LRRC7: variants seen among roughly 807,000 people sequenced by gnomAD.
LRRC7 encodes leucine rich repeat containing 7.
LRRC7 carries 23 observed loss-of-function variants against 175.7 expected under a neutral mutation model. The observed-to-expected ratio is 0.13, with a 90% CI of 0.09 to 0.19. The LOEUF is 0.19. Among genes scored for constraint, LRRC7 ranks in the 10% least tolerant of loss-of-function variants. The pLI, the probability that LRRC7 is intolerant of heterozygous loss-of-function variation, is 1.00. For synonymous variants in LRRC7, 685 were observed against 680.9 expected, an observed-to-expected ratio of 1.01 and a Z score of -0.09; for missense variants, 1,354 against 1,904.7, an observed-to-expected ratio of 0.71 and a Z score of 5.38.
intron 1 of LRRC7, among the ~76,000 whole-genome samples, chr1:69,677,115 T>C (rs1659863837): frequency 7.2e-6 from 1 of 139,120 alleles, no homozygotes; most frequent in South Asian, 2.5e-4. Flanking sequence ...ATTTCATCCT[T>C]TTGTGGCTGA....
At chr1:70,011,773 T>A (rs1656532069) in intron 11 of LRRC7, 24 bp from the exon 12 acceptor site, 1 of 1,501,476 alleles carries the variant, frequency 6.7e-7, no homozygotes, top group Admixed American at 1.8e-5. Flanking sequence ...TTAAAATGTC[T>A]AACTAATGTA....
At chr1:69,726,908 G>A (rs1200472547) in intron 2 of LRRC7, among the ~76,000 whole-genome samples, 1 of 152,162 alleles carries the variant, frequency 6.6e-6, no homozygotes, top group Non-Finnish European at 1.5e-5. Flanking sequence ...AACCATGTAG[G>A]TTAAGCTACT....
chr1:69,824,544 A>C (rs1343570224), intron 4 of LRRC7, among the ~76,000 whole-genome samples: 2 of 152,098 alleles, frequency 1.3e-5, no homozygotes, highest in Admixed American at 6.6e-5. Context: ...ATAGAGAGAA[A>C]TGGCGTGAGA....
intron 3 of LRRC7, among the ~76,000 whole-genome samples, chr1:69,782,494 G>A (rs1293029518): frequency 6.6e-6 from 1 of 152,210 alleles, no homozygotes; most frequent in Non-Finnish European, 1.5e-5. Context: ...AAGAGCTCCA[G>A]CTGGAGACTG....
intron 7 of LRRC7, among the ~76,000 whole-genome samples, chr1:69,864,135 A>T (rs1202817373): frequency 6.6e-6 from 1 of 152,216 alleles, no homozygotes; most frequent in Non-Finnish European, 1.5e-5. Context: ...TGGCTCTGCC[A>T]TCCCTCTTAT....
At chr1:69,656,496 G>C (rs1656624297) in intron 1 of LRRC7, among the ~76,000 whole-genome samples, 1 of 151,938 alleles carries the variant, frequency 6.6e-6, no homozygotes, top group Admixed American at 6.6e-5. Context: ...AAACAATGTA[G>C]TACTTGGTTC....
chr1:70,046,479 A>G (rs1187275129), intron 22 of LRRC7, among the ~76,000 whole-genome samples: 3 of 152,154 alleles, frequency 2.0e-5, no homozygotes, highest in Non-Finnish European at 4.4e-5. Context: ...CCACCTCAAA[A>G]TAAATTATCG....
At chr1:69,692,564 G>T (rs563325725) in intron 2 of LRRC7, among the ~76,000 whole-genome samples, 65 of 152,268 alleles carry the variant, frequency 4.3e-4, no homozygotes, top group Admixed American at 2.2e-3. Context: ...GGATTTAACT[G>T]CAAGACCATT....
In LRRC7 at chr1:70,122,665, A is replaced by AATT; in HGVS notation, c.*779_*780insTTA. On this transcript the variant is annotated 3_prime_UTR_variant, in exon 27 of 27. Coordinates refer to ENST00000651989, the MANE Select transcript of LRRC7 (RefSeq NM_001370785.2). ...ACATGCAGAGTTTAGAAACAGACTA[A>AATT]AGGTCATTGTAGTTAAGTCTTTTTC... The AATT allele has an allele frequency of 6.6e-6, 1 of 152,086 alleles. No homozygotes were observed. Among genetic ancestry groups the AATT allele is most frequent in the Non-Finnish European group, 1.5e-5 (1 of 67,932 alleles). The allele number at this position is 152,086 out of a possible 1,614,324, so 9.4% of individuals were successfully genotyped here. A position where few individuals can be genotyped will look rare whatever the true frequency, so the allele number is the denominator to read the frequency against.
intron 2 of LRRC7, among the ~76,000 whole-genome samples, chr1:69,680,036 T>G (rs567454750): frequency 6.6e-6 from 1 of 152,094 alleles, no homozygotes; most frequent in Non-Finnish European, 1.5e-5. Context: ...CCTAAAATAT[T>G]TACCTGGGTC....
At chr1:70,003,249 A>G (rs563394910) in intron 11 of LRRC7, among the ~76,000 whole-genome samples, 1 of 152,158 alleles carries the variant, frequency 6.6e-6, no homozygotes, top group South Asian at 2.1e-4. Context: ...ACTTTATCCA[A>G]CTCTAAATTA....
At chr1:69,988,992 A>G (rs1467916701) in intron 10 of LRRC7, among the ~76,000 whole-genome samples, 2 of 152,214 alleles carry the variant, frequency 1.3e-5, no homozygotes, top group Non-Finnish European at 2.9e-5. Flanking sequence ...AAGGGAAACA[A>G]AAGTTATCAA....
At chr1:69,764,642 C>T (rs553619917) in intron 3 of LRRC7, among the ~76,000 whole-genome samples, 1 of 151,934 alleles carries the variant, frequency 6.6e-6, no homozygotes, top group South Asian at 2.1e-4. Flanking sequence ...TTCCTGGAAA[C>T]CTGTTTCTTC....
chr1:69,934,672 T>G (rs1449446377), intron 8 of LRRC7, among the ~76,000 whole-genome samples: 2 of 152,150 alleles, frequency 1.3e-5, no homozygotes, highest in Non-Finnish European at 2.9e-5. Context: ...TTTTGGTATA[T>G]TCTTCCCTTT....
At chr1:69,806,212 G>T (rs1406747928) in intron 4 of LRRC7, among the ~76,000 whole-genome samples, 1 of 151,876 alleles carries the variant, frequency 6.6e-6, no homozygotes, top group Non-Finnish European at 1.5e-5. Context: ...GATAAGGAAG[G>T]AAAAATTCAT....
chr1:69,602,181 A>G (rs1647100896), intron 1 of LRRC7, among the ~76,000 whole-genome samples: 1 of 152,188 alleles, frequency 6.6e-6, no homozygotes, highest in South Asian at 2.1e-4. Context: ...GTCTTCTGTC[A>G]TTCAATTATA....
At chr1:69,771,068 A>G (rs1428946376) in intron 3 of LRRC7, among the ~76,000 whole-genome samples, 1 of 152,220 alleles carries the variant, frequency 6.6e-6, no homozygotes, top group African/African-American at 2.4e-5. Flanking sequence ...GGACAAAACT[A>G]TCTCATATAT....
intron 1 of LRRC7, among the ~76,000 whole-genome samples, chr1:69,600,789 A>C: frequency 2.0e-5 from 2 of 98,062 alleles, no homozygotes; most frequent in African/African-American, 3.8e-5. Context: ...TTCTCCAAGG[A>C]TCTCTGGTTT....
At chr1:69,820,044 G>A (rs1679093599) in intron 4 of LRRC7, among the ~76,000 whole-genome samples, 2 of 151,656 alleles carry the variant, frequency 1.3e-5, no homozygotes, top group South Asian at 2.1e-4. Context: ...ATTATTGATA[G>A]GTAAGGACTT....
Sources: gnomAD v4.1 joint callset for allele counts (sites outside exome capture counted in the v4.1 genomes callset) on GRCh38, gnomAD v4.1.1 for gene constraint, MANE v1.5 for transcripts, NCBI Gene and HGNC (gene_info 2026-07-23, HGNC 2026-07-21) for gene names.